The following SCN7A variants were observed in gnomAD, a reference collection of about 807,000 sequenced individuals.
The protein encoded by SCN7A is sodium channel protein type 7 subunit alpha.
In SCN7A, 138 loss-of-function variants were observed where a neutral mutation model predicts 155.2. The ratio of observed to expected loss-of-function variants is 0.89; its 90% confidence interval spans 0.77 to 1.02. The LOEUF is 1.02. Among genes scored for constraint, SCN7A ranks in the 50% least tolerant of loss-of-function variants. The pLI, the probability that SCN7A is intolerant of heterozygous loss-of-function variation, is 0.00. For synonymous variants in SCN7A, 693 were observed against 649.0 expected (o/e 1.07, Z -1.03); for missense variants, 2,058 against 1,986.6 (o/e 1.04, Z -0.68).
chr2:166,465,463 C>T lies in SCN7A; in HGVS notation c.940G>A (p.Gly314Ser). 1 of 1,604,052 alleles carries T rather than the reference C, an allele frequency of 6.2e-7. No homozygotes were observed. The highest frequency in any genetic ancestry group is 2.2e-5 in the East Asian group (1 of 44,776). Residue 314 changes from glycine to serine, a missense_variant and splice_region_variant, in exon 9 of 26, where the codon GGT becomes AGT. Gly to Ser is a moderately conservative substitution (Grantham distance 56, BLOSUM62 0). Coordinates refer to ENST00000643258, the MANE Select transcript of SCN7A (RefSeq NM_002976.4). ...ALLCGNRTDA[G>S]QCPEGYVCVK... ...TAGAATAAAACTAATACCACCTACC[C>T]AGCATCTGTCCTGTTGCCACAAAGG... is the stretch of plus-strand genomic sequence containing the variant.
At chr2:166,407,509 G>T (rs944733582) in intron 25 of SCN7A, among the ~76,000 whole-genome samples, 4 of 151,834 alleles carry the variant, frequency 2.6e-5, no homozygotes, top group African/African-American at 9.7e-5. Context: ...GTTAAACTTG[G>T]TCTCTGCCTA....
chr2:166,489,423 C>T (rs535885876), intron 1 of SCN7A, among the ~76,000 whole-genome samples: 6 of 152,188 alleles, frequency 3.9e-5, no homozygotes, highest in South Asian at 4.1e-4. Context: ...TTGAACATAA[C>T]GCACCATGTG....
At chr2:166,490,320 T>C (rs1683065847) in intron 1 of SCN7A, among the ~76,000 whole-genome samples, 1 of 152,030 alleles carries the variant, frequency 6.6e-6, no homozygotes, top group Non-Finnish European at 1.5e-5. Flanking sequence ...AAATTTGTCT[T>C]TCTTAGATTT....
intron 15 of SCN7A, among the ~76,000 whole-genome samples, chr2:166,437,980 G>A (rs1266062323): frequency 6.6e-6 from 1 of 152,080 alleles, no homozygotes; most frequent in Non-Finnish European, 1.5e-5. Context: ...ATGCTGGGAT[G>A]AATTAAGACT....
At chr2:166,452,250 T>A (rs1482684643) in intron 11 of SCN7A, among the ~76,000 whole-genome samples, 11 of 151,932 alleles carry the variant, frequency 7.2e-5, no homozygotes, top group Admixed American at 7.2e-4. Flanking sequence ...TGGAAGATTA[T>A]ATCATTTCAG....
intron 2 of SCN7A, among the ~76,000 whole-genome samples, chr2:166,482,745 T>C (rs112865429): frequency 6.8e-6 from 1 of 147,300 alleles, no homozygotes; most frequent in Non-Finnish European, 1.5e-5. Flanking sequence ...ACAGCAGGCA[T>C]TGCCTTCTGC....
chr2:166,474,991 T>C (rs917447135), intron 3 of SCN7A, among the ~76,000 whole-genome samples: 4 of 149,492 alleles, frequency 2.7e-5, no homozygotes, highest in African/African-American at 9.7e-5. Flanking sequence ...TATATCTATG[T>C]GTACATGCTT....
chr2:166,476,525 C>A (rs1457503664), intron 3 of SCN7A, among the ~76,000 whole-genome samples: 4 of 152,000 alleles, frequency 2.6e-5, no homozygotes, highest in Admixed American at 2.6e-4. Context: ...CAGCTTTGTT[C>A]TCTCTGTCTC....
intron 19 of SCN7A, among the ~76,000 whole-genome samples, chr2:166,422,769 T>C (rs1467132153): frequency 1.3e-5 from 2 of 152,194 alleles, no homozygotes; most frequent in Non-Finnish European, 1.5e-5. Context: ...TGACTTCCAT[T>C]TCACAACAGT....
intron 16 of SCN7A, among the ~76,000 whole-genome samples, chr2:166,431,458 C>T (rs184023445): frequency 8.0e-4 from 122 of 152,130 alleles, no homozygotes; most frequent in African/African-American, 2.5e-3. Flanking sequence ...CCTGTAAAGA[C>T]ACATTCCCCG....
chr2:166,467,057 A>G (rs1702549762), intron 7 of SCN7A, among the ~76,000 whole-genome samples: 2 of 151,882 alleles, frequency 1.3e-5, no homozygotes, highest in Admixed American at 1.3e-4. Flanking sequence ...ACTTAGAATT[A>G]TATCATTCTT....
chr2:166,470,775 G>T (rs1288332205), intron 6 of SCN7A, 69 bp from the exon 7 acceptor site: 6 of 1,378,124 alleles, frequency 4.4e-6, no homozygotes, highest in South Asian at 1.5e-5. Context: ...GGCTTTTTAT[G>T]GTTATTGAAA....
At chr2:166,487,334 G>T (rs911159673) in intron 1 of SCN7A, among the ~76,000 whole-genome samples, 1 of 152,312 alleles carries the variant, frequency 6.6e-6, no homozygotes, top group South Asian at 2.1e-4. Context: ...AACAGCAACT[G>T]CAGCTGCATT....
chr2:166,443,647 C>T lies in SCN7A; in HGVS notation c.1656G>A (p.Met552Ile), dbSNP rs1375068867. 2.3e-5 allele frequency: 35 copies of T among 1,549,946 alleles called. No individual in the cohort carries two copies. The highest frequency in any genetic ancestry group is 3.1e-5 in the Non-Finnish European group (35 of 1,147,338). ...LVFIGIFTAE[M>I]IFKIIAMHPY... ...GATGCATTGCAATTATTTTAAAAAT[C>T]ATTTCTGCTGTGAAAATTCCAATGA... The change falls in exon 14 of 26, where the codon ATG (methionine) becomes ATA (isoleucine). Residue 552 changes from methionine to isoleucine, a missense_variant. Met to Ile is a conservative substitution (Grantham distance 10). Coordinates refer to ENST00000643258, the MANE Select transcript of SCN7A (RefSeq NM_002976.4).
chr2:166,410,303 TA>T lies in SCN7A; in HGVS notation c.3627del (p.Phe1209LeufsTer2). 1 of 1,547,152 alleles carries T rather than the reference TA, an allele frequency of 6.5e-7. No homozygotes were observed. The highest frequency in any genetic ancestry group is 1.2e-5 in the South Asian group (1 of 82,372). The stretch of plus-strand genomic sequence containing the variant: ...TACTGTTTTCTCTGTTTAACCGTTA[TA>T]AAGATATTTGAGCCTCCCAGGTAAA... ...HKIKLGGSNI[F>X]ITVKQRKQYR... On this transcript the variant is annotated frameshift_variant, in exon 24 of 26. Transcript: ENST00000643258. LOFTEE classifies it high-confidence loss of function.
In SCN7A at chr2:166,451,402, C is replaced by T. The variant is rs578095203; in HGVS notation, c.1291-3694G>A. Among the ~76,000 whole-genome samples, 12 of 152,284 alleles carry T rather than the reference C, an allele frequency of 7.9e-5. No individual in the cohort carries two copies. In the South Asian group the frequency reaches 2.5e-3, roughly 32 times the overall value. ...GAGAGGATTGTTACTCAACACCCTT[C>T]CTCTGTGGATATTTAAGAGCTAATA... On this transcript the variant is annotated intron_variant, in intron 11 of 25. Transcript: ENST00000643258.
At chr2:166,410,067 A>C (rs1701166337) in intron 24 of SCN7A, 132 bp from the exon 25 acceptor site, 1 of 1,161,666 alleles carries the variant, frequency 8.6e-7, no homozygotes, top group Non-Finnish European at 1.2e-6. Flanking sequence ...TTGCCAAACT[A>C]TAACATATAG....
intron 2 of SCN7A, among the ~76,000 whole-genome samples, chr2:166,486,268 G>A (rs1394746697): frequency 6.6e-6 from 1 of 152,114 alleles, no homozygotes; most frequent in African/African-American, 2.4e-5. Context: ...TAAGCTCATA[G>A]ATCCACAAAT....
At chr2:166,427,322 C>A (rs376874130) in intron 18 of SCN7A, among the ~76,000 whole-genome samples, 1 of 151,978 alleles carries the variant, frequency 6.6e-6, no homozygotes, top group Non-Finnish European at 1.5e-5. Context: ...AGATTCTGAG[C>A]GCAGAGTTAA....
Sources: gnomAD v4.1 joint callset for allele counts (sites outside exome capture counted in the v4.1 genomes callset) on GRCh38, gnomAD v4.1.1 for gene constraint, MANE v1.5 for transcripts, NCBI Gene and HGNC (gene_info 2026-07-23, HGNC 2026-07-21) for gene names.